Variants in CELSR1 observed in about 807,000 individuals in gnomAD.
The protein encoded by CELSR1 is cadherin EGF LAG seven-pass G-type receptor 1.
CELSR1 carries 110 observed loss-of-function variants against 249.1 expected under a neutral mutation model. The observed-to-expected ratio is 0.44, with a 90% CI of 0.38 to 0.52. The LOEUF (loss-of-function observed/expected upper bound fraction) is 0.52, where lower values mean the gene tolerates loss of function less well. CELSR1 is among the 20% of genes least tolerant of loss of function. The probability of loss-of-function intolerance (pLI) is 0.00; values close to 1 mark genes in which losing one functional copy is unlikely to be tolerated. For synonymous variants in CELSR1, 2,113 were observed against 1,900.0 expected (o/e 1.11, Z -2.92); for missense variants, 4,109 against 4,296.4 (o/e 0.96, Z 1.22).
chr22:46,423,832 C>T lies in CELSR1; in HGVS notation c.4611+9561G>A, dbSNP rs1399682434. On this transcript the variant is annotated intron_variant, in intron 5 of 34. Coordinates refer to ENST00000674500, the MANE Select transcript of CELSR1 (RefSeq NM_001378328.1). This position sits in a 1 kb window ranked among gnomAD's most constrained non-coding sequence, Gnocchi z 5.6. Reference sequence around the variant, plus strand: ...ACTAAAAATACCAAAATTAGCCAGGCGTGGTGGTGGTGCGCACCTGTAATC... The same window carrying T: ...ACTAAAAATACCAAAATTAGCCAGGTGTGGTGGTGGTGCGCACCTGTAATC... Among the ~76,000 whole-genome samples, 1 of 151,632 alleles carries T rather than the reference C, an allele frequency of 6.6e-6. No homozygotes were observed. The highest frequency in any genetic ancestry group is 1.5e-5 in the Non-Finnish European group (1 of 67,946).
In CELSR1 at chr22:46,468,705, T is replaced by A. The variant is rs1050379661; in HGVS notation, c.3545-4360A>T. Among the ~76,000 whole-genome samples, 19 of 152,200 alleles carry A rather than the reference T, an allele frequency of 1.2e-4. No homozygotes were observed. The highest frequency in any genetic ancestry group is 9.6e-4 in the East Asian group (5 of 5,200). On this transcript the variant is annotated intron_variant, in intron 1 of 34. Coordinates refer to ENST00000674500, the MANE Select transcript of CELSR1 (RefSeq NM_001378328.1). The surrounding 1 kb of genome is among the most constrained non-coding windows in gnomAD (Gnocchi z 4.5). Reference sequence around the variant, plus strand: ...GGTGATGGCTGCACAGCAAAGCTAATGTGCTTAATGCCACAGAACCACACA... The same window carrying A: ...GGTGATGGCTGCACAGCAAAGCTAAAGTGCTTAATGCCACAGAACCACACA...
At position 46,377,252 on chromosome 22, in the gene CELSR1, C is replaced by T. The variant is rs755921657; in HGVS notation, c.7393G>A (p.Val2465Ile). The change falls in exon 24 of 35, where the codon GTC (valine) becomes ATC (isoleucine). Residue 2465 changes from valine (V) to isoleucine (I), a missense_variant. Val to Ile is a conservative substitution (Grantham distance 29). Transcript: ENST00000674500. Reference sequence around the variant, plus strand: ...TAGGTGACAATCTTCAGAGGCAGGACCTCCCCGTTCTATGGGCAGGAGGGT... The same window carrying T: ...TAGGTGACAATCTTCAGAGGCAGGATCTCCCCGTTCTATGGGCAGGAGGGT... ...MDISRRENGE[V>I]LPLKIVTYAA... The T allele has an allele frequency of 6.2e-6, 10 of 1,613,756 alleles. No individual in the cohort carries two copies. Among genetic ancestry groups the T allele is most frequent in the Non-Finnish European group, 8.5e-6 (10 of 1,179,994 alleles).
intron 1 of CELSR1, among the ~76,000 whole-genome samples, chr22:46,466,632 A>G (rs755175191): frequency 1.3e-5 from 2 of 152,218 alleles, no homozygotes; most frequent in South Asian, 2.1e-4. Context: ...GTTGGAGGCC[A>G]CTGGGTTTGG....
chr22:46,459,425 A>T (rs8138156), intron 2 of CELSR1, among the ~76,000 whole-genome samples: 2 of 152,068 alleles, frequency 1.3e-5, no homozygotes, highest in East Asian at 1.9e-4. Flanking sequence ...CAACCAGCAC[A>T]GAAGGCGCCT....
At chr22:46,524,848 C>T (rs915421961) in intron 1 of CELSR1, among the ~76,000 whole-genome samples, 4 of 152,190 alleles carry the variant, frequency 2.6e-5, no homozygotes, top group Admixed American at 6.5e-5. Context: ...GAAACGAAAA[C>T]GGCTCCTGGG....
chr22:46,433,302 T>C lies in CELSR1; in HGVS notation c.4611+91A>G. 1.1e-6 allele frequency: 1 copy of C among 943,412 alleles called. No individual in the cohort carries two copies. Among genetic ancestry groups the C allele is most frequent in the Non-Finnish European group, 1.6e-6 (1 of 617,030 alleles). The allele number at this position is 943,412 out of a possible 1,614,324, so 58.4% of individuals were successfully genotyped here. On this transcript the variant is annotated intron_variant, in intron 5 of 34. Coordinates refer to ENST00000674500, the MANE Select transcript of CELSR1 (RefSeq NM_001378328.1). The surrounding 1 kb of genome is among the most constrained non-coding windows in gnomAD (Gnocchi z 5.7). ...CACCTGCCTTGGCCTCTCAAAGTGC[T>C]GGGATTACAGGCGTGAGCCACTGCG...
chr22:46,443,083 G>A (rs1209023913), intron 2 of CELSR1, among the ~76,000 whole-genome samples: 1 of 151,590 alleles, frequency 6.6e-6, no homozygotes, highest in Non-Finnish European at 1.5e-5. Context: ...GGGGGACAGA[G>A]CGAGACTCCG....
rs901564626 is a variant in CELSR1 at position 46,408,226 on chromosome 22, G to C, written c.5226+770C>G. Among the ~76,000 whole-genome samples the C allele has an allele frequency of 6.6e-6, 1 of 152,244 alleles. No individual in the cohort carries two copies. Among genetic ancestry groups the C allele is most frequent in the Admixed American group, 6.5e-5 (1 of 15,286 alleles). On this transcript the variant is annotated intron_variant, in intron 9 of 34. Transcript: ENST00000674500. This position sits in a 1 kb window ranked among gnomAD's most constrained non-coding sequence, Gnocchi z 4.6. ...TAAACGAAACAGTAAAGATCAATAA[G>C]ACAGAGAAAACAGGCAGACAGCGAC... is the stretch of plus-strand genomic sequence containing the variant.
At position 46,415,084 on chromosome 22, in the gene CELSR1, A is replaced by C. The variant is rs192745648; in HGVS notation, c.4612-3325T>G. Among the ~76,000 whole-genome samples, 419 of 152,354 alleles carry C rather than the reference A, an allele frequency of 2.8e-3. 10 individuals carry two copies. Among genetic ancestry groups the C allele is most frequent in the East Asian group, 9.6e-4 (5 of 5,190 alleles). On this transcript the variant is annotated intron_variant, in intron 5 of 34. Transcript: ENST00000674500. ...CCAGGACAGGCACATCCACAGACAC[A>C]GAGCAGACAGATGTTGCCAGGAGCT...
At chr22:46,386,311 G>T in intron 19 of CELSR1, 91 bp downstream of exon 19, 1 of 1,355,440 alleles carries the variant, frequency 7.4e-7, no homozygotes, top group Non-Finnish European at 9.7e-7. Flanking sequence ...GGGGGGCCGG[G>T]AGCCCACCTG....
Position 46,362,955 on chromosome 22 carries a change from G to T in CELSR1, c.*268C>A, listed in dbSNP as rs2078721909. The T allele has an allele frequency of 1.6e-6, 1 of 608,738 alleles. No homozygotes were observed. The highest frequency in any genetic ancestry group is 2.9e-6 in the Non-Finnish European group (1 of 348,314). 37.7% of individuals were successfully genotyped at this position (608,738 alleles called of 1,614,324 possible). A position where few individuals can be genotyped will look rare whatever the true frequency, so the allele number is the denominator to read the frequency against. On this transcript the variant is annotated 3_prime_UTR_variant, in exon 35 of 35. Transcript: ENST00000674500. The stretch of plus-strand genomic sequence containing the variant: ...AGGACTCAGCGGTGCTGGCCCAGTG[G>T]TCCACGCCTCCCTCATGCCTGTGGC...
intron 2 of CELSR1, among the ~76,000 whole-genome samples, chr22:46,443,031 G>T (rs990502951): frequency 6.6e-6 from 1 of 152,100 alleles, no homozygotes; most frequent in African/African-American, 2.4e-5. Context: ...GCGGGAGGCG[G>T]AGCTTGCAGT....
chr22:46,439,761 G>T (rs1322872876), intron 2 of CELSR1, among the ~76,000 whole-genome samples: 1 of 152,070 alleles, frequency 6.6e-6, no homozygotes, highest in Non-Finnish European at 1.5e-5. Context: ...GGACTCTTCT[G>T]AGGGGAACGC....
chr22:46,427,972 C>A lies in CELSR1; in HGVS notation c.4611+5421G>T, dbSNP rs1483324752. ...AGGGGTGCTCCGGGGGTACATCTCC[C>A]ACTCTCCTTGGGACTCTGGGGTTTA... On this transcript the variant is annotated intron_variant, in intron 5 of 34. Coordinates refer to ENST00000674500, the MANE Select transcript of CELSR1 (RefSeq NM_001378328.1). This position sits in a 1 kb window ranked among gnomAD's most constrained non-coding sequence, Gnocchi z 4.2. Among the ~76,000 whole-genome samples the A allele has an allele frequency of 2.6e-5, 4 of 152,128 alleles. No homozygotes were observed. Among genetic ancestry groups the A allele is most frequent in the Non-Finnish European group, 5.9e-5 (4 of 68,030 alleles).
In CELSR1 at chr22:46,536,992, G is replaced by T. The variant is rs1006637388; in HGVS notation, c.179C>A (p.Ala60Glu). The T allele has an allele frequency of 2.7e-6, 3 of 1,119,634 alleles. No homozygotes were observed. Among genetic ancestry groups the T allele is most frequent in the Non-Finnish European group, 3.3e-6 (3 of 918,096 alleles). 69.4% of individuals were successfully genotyped at this position (1,119,634 alleles called of 1,614,324 possible). ...YAVGAACTPR[A>E]PRELLDVGRD... ...GCCCACGTCCAGCAGCTCCCGCGGC[G>T]CCCGGGGCGTGCAAGCGGCGCCCAC... The change falls in exon 1 of 35, where the codon GCG becomes GAG. Residue 60 changes from alanine (A) to glutamate (E), a missense_variant. Physicochemically the swap from Ala to Glu is moderately radical, Grantham distance 107 (BLOSUM62 -1). Transcript: ENST00000674500.
rs930658311 is a variant in CELSR1, at chr22:46,399,214, G to C, written c.5412+503C>G. On this transcript the variant is annotated intron_variant, in intron 10 of 34. Transcript: ENST00000674500. The surrounding 1 kb of genome is among the most constrained non-coding windows in gnomAD (Gnocchi z 5.0). The stretch of plus-strand genomic sequence containing the variant: ...CCTGCAAACTGTGGAAACCTAGTTT[G>C]GTTAAGTGTTCCGAACATTGTCTGG... Among the ~76,000 whole-genome samples, 1 of 152,178 alleles carries C rather than the reference G, an allele frequency of 6.6e-6. No homozygotes were observed. The highest frequency in any genetic ancestry group is 1.9e-4 in the East Asian group (1 of 5,186).
intron 5 of CELSR1, among the ~76,000 whole-genome samples, chr22:46,418,505 T>C (rs1461588624): frequency 6.6e-6 from 1 of 151,556 alleles, no homozygotes; most frequent in Non-Finnish European, 1.5e-5. Flanking sequence ...AATAAATAAA[T>C]TAAAATAAAA....
At position 46,433,492 on chromosome 22, in the gene CELSR1, G is replaced by C; in HGVS notation, c.4523-11C>G. The stretch of plus-strand genomic sequence containing the variant: ...TCGTTGTTGTCTCGCCTGCATGGTG[G>C]GAGGGAGACCCAGAGAGAAAACAGG... On this transcript the variant is annotated splice_polypyrimidine_tract_variant and intron_variant, in intron 4 of 34. Transcript: ENST00000674500. This position sits in a 1 kb window ranked among gnomAD's most constrained non-coding sequence, Gnocchi z 5.7. 1 of 1,611,242 alleles carries C rather than the reference G, an allele frequency of 6.2e-7. No homozygotes were observed. The highest frequency in any genetic ancestry group is 1.1e-5 in the South Asian group (1 of 90,912).
Position 46,377,431 on chromosome 22 carries a change from C to T in CELSR1, c.7384-170G>A, listed in dbSNP as rs950268767. ...CATGGCTCTGGGCCTGGAACTGCCCCTCCTGAGGCTCCTTCAATGCCCTGG... is the reference window on the plus strand; with the variant it reads ...CATGGCTCTGGGCCTGGAACTGCCCTTCCTGAGGCTCCTTCAATGCCCTGG... On this transcript the variant is annotated intron_variant, in intron 23 of 34. Coordinates refer to ENST00000674500, the MANE Select transcript of CELSR1 (RefSeq NM_001378328.1). 8 of 688,872 alleles carry T rather than the reference C, an allele frequency of 1.2e-5. No homozygotes were observed. The Middle Eastern group carries it at 1.6e-3, about 137-fold the overall frequency. 42.7% of individuals were successfully genotyped at this position (688,872 alleles called of 1,614,324 possible). A position where few individuals can be genotyped will look rare whatever the true frequency, so the allele number is the denominator to read the frequency against.
Sources: gnomAD v4.1 joint callset for allele counts (sites outside exome capture counted in the v4.1 genomes callset) on GRCh38, gnomAD v4.1.1 for gene constraint, Gnocchi (gnomAD v3.1) non-coding constraint, MANE v1.5 for transcripts, NCBI Gene and HGNC (gene_info 2026-07-23, HGNC 2026-07-21) for gene names.